RBFOX1: variants seen among roughly 807,000 people sequenced by gnomAD.
The protein encoded by RBFOX1 is RNA binding protein fox-1 homolog 1.
RBFOX1 carries 8 observed loss-of-function variants against 57.7 expected under a neutral mutation model. That is an observed-to-expected ratio of 0.14 (90% CI 0.08 to 0.25). The LOEUF is 0.25. Among genes scored for constraint, RBFOX1 ranks in the 10% least tolerant of loss-of-function variants. The pLI, the probability that RBFOX1 is intolerant of heterozygous loss-of-function variation, is 1.00. For synonymous variants in RBFOX1, 326 were observed against 222.4 expected (o/e 1.47, Z -4.15); for missense variants, 611 against 548.5 (o/e 1.11, Z -1.14).
chr16:7,177,619 C>G (rs969732323), intron 4 of RBFOX1, among the ~76,000 whole-genome samples: 2 of 152,132 alleles, frequency 1.3e-5, no homozygotes, highest in African/African-American at 4.8e-5. Context: ...GTGACAGCTC[C>G]TATCTGAGCA....
intron 1 of RBFOX1, among the ~76,000 whole-genome samples, chr16:5,404,627 G>A (rs2066812071): frequency 6.6e-6 from 1 of 152,170 alleles, no homozygotes; most frequent in Admixed American, 6.5e-5. Context: ...TTAGCTCTGA[G>A]TTCATCACAG....
intron 2 of RBFOX1, among the ~76,000 whole-genome samples, chr16:6,650,216 C>G (rs1225888777): frequency 2.0e-5 from 3 of 152,182 alleles, no homozygotes; most frequent in Non-Finnish European, 4.4e-5. Flanking sequence ...GAGAGTCTCA[C>G]TTTGAGAAGC....
chr16:7,529,106 C>G (rs924998553), intron 5 of RBFOX1, among the ~76,000 whole-genome samples: 1 of 151,984 alleles, frequency 6.6e-6, no homozygotes, highest in Non-Finnish European at 1.5e-5. Flanking sequence ...ACAAAAAGTA[C>G]AAAAATTAGC....
chr16:6,207,253 C>T (rs983689191), intron 1 of RBFOX1, among the ~76,000 whole-genome samples: 3 of 152,122 alleles, frequency 2.0e-5, no homozygotes, highest in Non-Finnish European at 4.4e-5. Flanking sequence ...TTCAGTGAAG[C>T]ATTTTGCATA....
chr16:7,527,200 G>C (rs1306654891), intron 5 of RBFOX1, among the ~76,000 whole-genome samples: 1 of 152,130 alleles, frequency 6.6e-6, no homozygotes, highest in African/African-American at 2.4e-5. Flanking sequence ...TTGAAGACAT[G>C]GGTACTGTCT....
upstream of RBFOX1, among the ~76,000 whole-genome samples, chr16:6,015,104 A>G (rs771370074): frequency 3.9e-5 from 6 of 152,126 alleles, no homozygotes; most frequent in African/African-American, 1.4e-4. Context: ...CAGTCTGCCC[A>G]CTTCAGCCTC....
intron 2 of RBFOX1, among the ~76,000 whole-genome samples, chr16:6,469,766 G>A (rs1040929769): frequency 8.5e-5 from 13 of 152,264 alleles, no homozygotes; most frequent in South Asian, 2.1e-4. Context: ...TCCTGCAAAA[G>A]GAATATTTAA....
At chr16:7,078,169 C>T (rs2058597797) in intron 4 of RBFOX1, among the ~76,000 whole-genome samples, 1 of 152,126 alleles carries the variant, frequency 6.6e-6, no homozygotes, top group Non-Finnish European at 1.5e-5. Flanking sequence ...TTTCAAAAGT[C>T]ATCGTTTTCC....
intron 3 of RBFOX1, among the ~76,000 whole-genome samples, chr16:6,923,980 G>A (rs1465312961): frequency 1.3e-5 from 2 of 151,900 alleles, no homozygotes; most frequent in Non-Finnish European, 2.9e-5. Flanking sequence ...GACCATCCTG[G>A]CCAACATGGT....
chr16:7,031,096 G>C (rs1008244180), intron 3 of RBFOX1, among the ~76,000 whole-genome samples: 2 of 152,162 alleles, frequency 1.3e-5, no homozygotes, highest in African/African-American at 4.8e-5. Context: ...TTGTAAGTAA[G>C]ACTGTAGACT....
intron 1 of RBFOX1, among the ~76,000 whole-genome samples, chr16:6,215,561 T>A (rs1265350784): frequency 6.6e-6 from 1 of 152,140 alleles, no homozygotes; most frequent in Non-Finnish European, 1.5e-5. Flanking sequence ...CCCTTGGGAC[T>A]AGCAGTTGTA....
intron 4 of RBFOX1, among the ~76,000 whole-genome samples, chr16:7,066,322 T>C (rs951137603): frequency 6.6e-6 from 1 of 152,198 alleles, no homozygotes; most frequent in Non-Finnish European, 1.5e-5. Flanking sequence ...TAGCTCAAGG[T>C]AAGAATGCAT....
intron 4 of RBFOX1, among the ~76,000 whole-genome samples, chr16:7,270,661 C>G (rs2095296160): frequency 6.6e-6 from 1 of 152,180 alleles, no homozygotes; most frequent in Non-Finnish European, 1.5e-5. Context: ...AGACAAACCT[C>G]TACTATTCTA....
At chr16:7,331,006 T>C (rs1197563232) in intron 4 of RBFOX1, among the ~76,000 whole-genome samples, 3 of 152,248 alleles carry the variant, frequency 2.0e-5, no homozygotes, top group South Asian at 4.2e-4. Flanking sequence ...GGGAGCTTTT[T>C]GAATTGTACA....
intron 9 of RBFOX1, among the ~76,000 whole-genome samples, chr16:7,601,340 T>C (rs998540715): frequency 1.3e-5 from 2 of 152,192 alleles, no homozygotes; most frequent in African/African-American, 4.8e-5. Context: ...AACACAATGC[T>C]AGGTATGCAA....
chr16:6,677,320 T>A (rs1404719026), intron 3 of RBFOX1, among the ~76,000 whole-genome samples: 1 of 152,162 alleles, frequency 6.6e-6, no homozygotes, highest in Non-Finnish European at 1.5e-5. Context: ...TAAGGCCCTT[T>A]TGTAACACTG....
chr16:7,624,780 C>G (rs1207764702), intron 10 of RBFOX1, among the ~76,000 whole-genome samples: 1 of 152,092 alleles, frequency 6.6e-6, no homozygotes, highest in Non-Finnish European at 1.5e-5. Context: ...GTGGAGAGTT[C>G]TATTTTTGTG....
chr16:6,448,672 A>C (rs2094534802), intron 2 of RBFOX1, among the ~76,000 whole-genome samples: 1 of 152,170 alleles, frequency 6.6e-6, no homozygotes, highest in South Asian at 2.1e-4. Flanking sequence ...TTGAGAACCC[A>C]TGCTGTCTAC....
At chr16:5,660,827 G>T (rs1411756004) in intron 3 of RBFOX1, among the ~76,000 whole-genome samples, 2 of 152,148 alleles carry the variant, frequency 1.3e-5, no homozygotes, top group Non-Finnish European at 2.9e-5. Context: ...TAGACAGGAA[G>T]AGATTCCTGT....
Sources: allele counts gnomAD v4.1 joint callset (sites outside exome capture counted in the v4.1 genomes callset), GRCh38; gene constraint gnomAD v4.1.1; transcripts MANE v1.5; gene names NCBI Gene and HGNC (gene_info 2026-07-23, HGNC 2026-07-21).